PHACTR3: variants seen among roughly 807,000 people sequenced by gnomAD.
PHACTR3 encodes phosphatase and actin regulator 3.
PHACTR3 carries 16 observed loss-of-function variants against 66.8 expected under a neutral mutation model. The ratio of observed to expected loss-of-function variants is 0.24; its 90% CI spans 0.16 to 0.36. PHACTR3 has a LOEUF of 0.36. Among genes scored for constraint, PHACTR3 ranks in the 10% least tolerant of loss-of-function variants. The pLI is 1.00. For missense variants in PHACTR3, 647 were observed against 719.9 expected (o/e 0.90, Z 1.16); for synonymous variants, 323 against 292.1 (o/e 1.11, Z -1.08).
intron 1 of PHACTR3, among the ~76,000 whole-genome samples, chr20:59,610,018 C>G (rs1017415037): frequency 6.6e-6 from 1 of 152,132 alleles, no homozygotes; most frequent in African/African-American, 2.4e-5. Flanking sequence ...GTTTGAGAGG[C>G]CTAGGTGGGC....
intron 1 of PHACTR3, among the ~76,000 whole-genome samples, chr20:59,704,562 C>CCT (rs2037628316): frequency 2.2e-5 from 2 of 89,474 alleles, no homozygotes; most frequent in African/African-American, 8.4e-5. Context: ...TGAGAATAGT[C>CCT]TTTTTTTTTT....
chr20:59,747,684 C>G, intron 2 of PHACTR3, 74 bp from the exon 3 acceptor site: 4 of 1,523,630 alleles, frequency 2.6e-6, no homozygotes, highest in Non-Finnish European at 3.6e-6. Flanking sequence ...TTGAGCCTGG[C>G]ATTGGCTGTG....
intron 1 of PHACTR3, among the ~76,000 whole-genome samples, chr20:59,627,210 C>T (rs944373461): frequency 4.1e-4 from 62 of 152,282 alleles, no homozygotes; most frequent in African/African-American, 1.5e-3. Context: ...AACCTTGCTG[C>T]CTACAGCTGT....
chr20:59,650,540 A>C (rs1049040863), intron 1 of PHACTR3, among the ~76,000 whole-genome samples: 16 of 152,120 alleles, frequency 1.1e-4, no homozygotes, highest in African/African-American at 3.9e-4. Flanking sequence ...GCATATAACA[A>C]TGGCAAGTGT....
At chr20:59,792,910 G>A (rs1000955054) in intron 7 of PHACTR3, among the ~76,000 whole-genome samples, 15 of 151,814 alleles carry the variant, frequency 9.9e-5, no homozygotes, top group African/African-American at 3.4e-4. Flanking sequence ...TTAGAGACAG[G>A]GTCTCACTCT....
intron 4 of PHACTR3, among the ~76,000 whole-genome samples, chr20:59,762,153 G>C (rs1308495020): frequency 2.0e-5 from 3 of 152,244 alleles, no homozygotes; most frequent in Non-Finnish European, 2.9e-5. Flanking sequence ...AAGGATGTGA[G>C]GGTTCAGTGT....
At chr20:59,792,255 CAAAT>C (rs2041127053) in intron 7 of PHACTR3, among the ~76,000 whole-genome samples, 1 of 152,194 alleles carries the variant, frequency 6.6e-6, no homozygotes, top group African/African-American at 2.4e-5. Context: ...TTAGTTATTA[CAAAT>C]AAATCTGTGA....
intron 1 of PHACTR3, among the ~76,000 whole-genome samples, chr20:59,626,071 A>G (rs950542705): frequency 1.3e-5 from 2 of 152,148 alleles, no homozygotes; most frequent in Non-Finnish European, 2.9e-5. Context: ...CAGAGCCAGA[A>G]ATATTATTTG....
intron 1 of PHACTR3, among the ~76,000 whole-genome samples, chr20:59,640,082 A>C (rs6064822): frequency 6.6e-6 from 1 of 152,038 alleles, no homozygotes; most frequent in African/African-American, 2.4e-5. Flanking sequence ...AGAGCATAGC[A>C]GATGGGTTGA....
chr20:59,599,032 C>T (rs1335089075), intron 1 of PHACTR3, among the ~76,000 whole-genome samples: 3 of 152,216 alleles, frequency 2.0e-5, no homozygotes, highest in Admixed American at 1.3e-4. Context: ...GTTATTTTTA[C>T]ATTAAGCATG....
intron 1 of PHACTR3, among the ~76,000 whole-genome samples, chr20:59,590,917 C>T (rs904109018): frequency 1.3e-5 from 2 of 152,160 alleles, no homozygotes; most frequent in African/African-American, 2.4e-5. Flanking sequence ...ACCTAATCAC[C>T]ATCATCTCTG....
chr20:59,714,374 G>A (rs1193136411), intron 1 of PHACTR3, among the ~76,000 whole-genome samples: 1 of 152,170 alleles, frequency 6.6e-6, no homozygotes, highest in Non-Finnish European at 1.5e-5. Flanking sequence ...TGTATGGTAT[G>A]AGGGAGGGAT....
At chr20:59,607,322 T>C (rs1278220903) in intron 1 of PHACTR3, among the ~76,000 whole-genome samples, 1 of 152,154 alleles carries the variant, frequency 6.6e-6, no homozygotes, top group Non-Finnish European at 1.5e-5. Context: ...CAGTCACTTC[T>C]TGGAAAGTCT....
chr20:59,718,276 C>G (rs777458435), intron 1 of PHACTR3, among the ~76,000 whole-genome samples: 2 of 152,192 alleles, frequency 1.3e-5, no homozygotes, highest in African/African-American at 2.4e-5. Context: ...CAGTTCCTCT[C>G]CTGGTTGCTG....
intron 1 of PHACTR3, among the ~76,000 whole-genome samples, chr20:59,608,399 C>A (rs2146339081): frequency 6.6e-6 from 1 of 152,356 alleles, no homozygotes; most frequent in South Asian, 2.1e-4. Context: ...GTTAGGTGTT[C>A]TTCCAAAATA....
At chr20:59,600,001 G>C (rs1008054904), upstream of PHACTR3, among the ~76,000 whole-genome samples, 1 of 152,150 alleles carries the variant, frequency 6.6e-6, no homozygotes, top group Non-Finnish European at 1.5e-5. Context: ...ACAAAATCAG[G>C]CTCTTCCTGA....
intron 1 of PHACTR3, among the ~76,000 whole-genome samples, chr20:59,709,045 A>G (rs1421535546): frequency 6.6e-6 from 1 of 152,210 alleles, no homozygotes; most frequent in Non-Finnish European, 1.5e-5. Flanking sequence ...TGCTGGCGGA[A>G]TCAAAAGAAG....
chr20:59,600,640 C>T (rs2031812328), upstream of PHACTR3, among the ~76,000 whole-genome samples: 1 of 152,234 alleles, frequency 6.6e-6, no homozygotes, highest in African/African-American at 2.4e-5. Context: ...GCAGAGGAAA[C>T]TGCCTTTGCC....
At chr20:59,711,537 T>C (rs1035723261) in intron 1 of PHACTR3, among the ~76,000 whole-genome samples, 4 of 152,206 alleles carry the variant, frequency 2.6e-5, no homozygotes, top group Non-Finnish European at 4.4e-5. Flanking sequence ...AAACTCATCT[T>C]AAGTTGACAA....
Sources: gnomAD v4.1 joint callset for allele counts (sites outside exome capture counted in the v4.1 genomes callset) on GRCh38, gnomAD v4.1.1 for gene constraint, MANE v1.5 for transcripts, NCBI Gene and HGNC (gene_info 2026-07-23, HGNC 2026-07-21) for gene names.